Variants in SMIM35 observed in about 807,000 individuals in gnomAD.
The protein encoded by SMIM35 is small integral membrane protein 35.
intron 1 of SMIM35, among the ~76,000 whole-genome samples, chr11:118,060,439 G>T (rs544445919): frequency 3.0e-4 from 45 of 152,368 alleles, no homozygotes; most frequent in African/African-American, 9.6e-4. Context: ...GGCATCGGAA[G>T]GCATGAGTCA....
intron 1 of SMIM35, among the ~76,000 whole-genome samples, chr11:118,066,868 T>A (rs888155824): frequency 2.0e-5 from 3 of 152,060 alleles, no homozygotes; most frequent in Non-Finnish European, 4.4e-5. Flanking sequence ...TTCTGGATTT[T>A]TTTTTTTGCC....
At chr11:118,014,463 C>T (rs914544820) in intron 3 of SMIM35, among the ~76,000 whole-genome samples, 1 of 151,684 alleles carries the variant, frequency 6.6e-6, no homozygotes, top group African/African-American at 2.4e-5. Flanking sequence ...GATGGATGTT[C>T]CCTGCCTAAG....
intron 4 of SMIM35, among the ~76,000 whole-genome samples, chr11:118,012,998 G>T (rs541959610): frequency 1.3e-5 from 2 of 152,180 alleles, no homozygotes; most frequent in Non-Finnish European, 2.9e-5. Flanking sequence ...CCTCCTACAG[G>T]CTCAGGGGCT....
intron 1 of SMIM35, among the ~76,000 whole-genome samples, chr11:118,050,243 G>T (rs1260214731): frequency 6.6e-6 from 1 of 152,250 alleles, no homozygotes; most frequent in African/African-American, 2.4e-5. Flanking sequence ...AAGAGGAAAA[G>T]GGCCTTGGGG....
chr11:118,070,880 C>T (rs1004820381), intron 1 of SMIM35, among the ~76,000 whole-genome samples: 8 of 152,132 alleles, frequency 5.3e-5, no homozygotes, highest in East Asian at 1.9e-4. Context: ...CCAGGATCTA[C>T]GCAGGGCCCA....
Position 118,004,756 on chromosome 11 carries a change from A to T in SMIM35, c.*1654T>A, listed in dbSNP as rs983963234. ...AAGCAGGCTGCCATCCCTTCAACTC[A>T]TCGAGTCACAGGAGCCACGGCTGTG... On this transcript the variant is annotated 3_prime_UTR_variant, in exon 5 of 5. Transcript: ENST00000689828. The T allele has an allele frequency of 5.9e-5, 9 of 152,152 alleles. No individual in the cohort carries two copies. Among genetic ancestry groups the T allele is most frequent in the African/African-American group, 2.2e-4 (9 of 41,436 alleles). The allele number at this position is 152,152 out of a possible 1,614,324, so 9.4% of individuals were successfully genotyped here. A position where few individuals can be genotyped will look rare whatever the true frequency, so the allele number is the denominator to read the frequency against.
At chr11:118,018,973 C>T (rs998013475) in intron 1 of SMIM35, among the ~76,000 whole-genome samples, 12 of 152,038 alleles carry the variant, frequency 7.9e-5, no homozygotes, top group Non-Finnish European at 1.2e-4. Context: ...TAAAATGCTG[C>T]CTTTCTTACT....
Position 118,067,860 on chromosome 11 carries a change from C to CATAT in SMIM35, c.7+18887_7+18890dup, listed in dbSNP as rs57497227. On this transcript the variant is annotated intron_variant, in intron 1 of 4. Transcript: ENST00000689828. ...AAAACAACCACAAAACAACAACAAA[C>CATAT]ATATATATATATATATATATATATA... Among the ~76,000 whole-genome samples the CATAT allele has an allele frequency of 7.8e-3, 626 of 80,288 alleles. 9 individuals carry two copies. The highest frequency in any genetic ancestry group is 9.4e-3 in the Non-Finnish European group (399 of 42,580). The allele number at this position is 80,288 out of a possible 152,430, so 52.7% of individuals were successfully genotyped here. A position where few individuals can be genotyped will look rare whatever the true frequency, so the allele number is the denominator to read the frequency against.
chr11:118,045,392 C>G (rs1428818653), intron 1 of SMIM35, among the ~76,000 whole-genome samples: 1 of 150,032 alleles, frequency 6.7e-6, no homozygotes, highest in Non-Finnish European at 1.5e-5. Context: ...CACCAAGTTG[C>G]GGTTCTCCCT....
Position 118,083,388 on chromosome 11 carries a change from C to T in SMIM35, c.7+3363G>A, listed in dbSNP as rs1413099879. Among the ~76,000 whole-genome samples, 5 of 152,158 alleles carry T rather than the reference C, an allele frequency of 3.3e-5. No individual in the cohort carries two copies. In the South Asian group the frequency reaches 8.3e-4, roughly 25 times the overall value. On this transcript the variant is annotated intron_variant, in intron 1 of 4. Coordinates refer to ENST00000689828, the MANE Select transcript of SMIM35 (RefSeq NM_001394165.1). Reference sequence around the variant, plus strand: ...CACACAGGTCACACGACATCACCTCCGGTCCCAACTGCCCTGGTCACTGTC... The same window carrying T: ...CACACAGGTCACACGACATCACCTCTGGTCCCAACTGCCCTGGTCACTGTC...
intron 1 of SMIM35, among the ~76,000 whole-genome samples, chr11:118,021,441 C>T (rs888271540): frequency 1.2e-4 from 18 of 151,988 alleles, no homozygotes; most frequent in African/African-American, 4.1e-4. Context: ...ATAATTTTAA[C>T]TTAATTCTTT....
intron 1 of SMIM35, among the ~76,000 whole-genome samples, chr11:118,037,643 A>G (rs1442292483): frequency 2.0e-5 from 3 of 152,220 alleles, no homozygotes; most frequent in African/African-American, 7.2e-5. Flanking sequence ...TTGAAGGACT[A>G]CTGCTGCTAA....
At chr11:118,024,542 G>A (rs929178836) in intron 1 of SMIM35, among the ~76,000 whole-genome samples, 3 of 151,482 alleles carry the variant, frequency 2.0e-5, no homozygotes, top group African/African-American at 2.4e-5. Context: ...GTGTGATCTC[G>A]GCTCACTGCA....
chr11:118,013,460 AAAGCTGTGCTCTAG>A (rs988922431), intron 4 of SMIM35, among the ~76,000 whole-genome samples: 3 of 152,182 alleles, frequency 2.0e-5, no homozygotes, highest in African/African-American at 7.2e-5. Context: ...GTTAAGATAA[AAAGCTGTGCTCTAG>A]AAGCTTCCAC....
chr11:118,027,177 G>A (rs1386074370), intron 1 of SMIM35, among the ~76,000 whole-genome samples: 1 of 143,454 alleles, frequency 7.0e-6, no homozygotes, highest in Non-Finnish European at 1.5e-5. Context: ...ACAGGCGCCC[G>A]CCACTGCGCC....
chr11:118,035,721 G>A (rs145321927), intron 1 of SMIM35, among the ~76,000 whole-genome samples: 202 of 152,276 alleles, frequency 1.3e-3, no homozygotes, highest in Admixed American at 3.7e-3. Flanking sequence ...TGTTGTCACA[G>A]CCCAGAAATG....
At chr11:118,076,135 G>A (rs748399504) in intron 1 of SMIM35, among the ~76,000 whole-genome samples, 9 of 152,172 alleles carry the variant, frequency 5.9e-5, no homozygotes, top group Non-Finnish European at 1.2e-4. Flanking sequence ...GCATGGTGGC[G>A]CACAACACCT....
intron 1 of SMIM35, among the ~76,000 whole-genome samples, chr11:118,038,824 G>T (rs1943954047): frequency 1.3e-5 from 2 of 152,136 alleles, no homozygotes; most frequent in South Asian, 4.1e-4. Context: ...AACATTTTAG[G>T]CAAAGCAAAC....
intron 4 of SMIM35, among the ~76,000 whole-genome samples, chr11:118,007,543 G>T (rs974807053): frequency 2.0e-5 from 3 of 152,086 alleles, no homozygotes; most frequent in African/African-American, 7.2e-5. Context: ...CTACAGTCAG[G>T]CACCACCATG....
Sources: gnomAD v4.1 joint callset for allele counts (sites outside exome capture counted in the v4.1 genomes callset) on GRCh38, gnomAD v4.1.1 for gene constraint, MANE v1.5 for transcripts, NCBI Gene and HGNC (gene_info 2026-07-23, HGNC 2026-07-21) for gene names.